Variants in CFAP20DC observed in about 807,000 individuals in gnomAD.
CFAP20DC encodes CFAP20 domain containing, also known as protein CFAP20DC.
A neutral mutation model predicts 101.7 loss-of-function variants in CFAP20DC; 84 were observed. The observed-to-expected ratio is 0.83, with a 90% CI of 0.69 to 0.99. CFAP20DC has a LOEUF of 0.99. Ranked by LOEUF, CFAP20DC falls within the 50% of genes least tolerant of loss-of-function variation. The pLI, the probability that CFAP20DC is intolerant of heterozygous loss-of-function variation, is 0.00. For synonymous variants in CFAP20DC, 359 were observed against 351.2 expected, an observed-to-expected ratio of 1.02 and a Z score of -0.25; for missense variants, 1,007 against 970.3, an observed-to-expected ratio of 1.04 and a Z score of -0.50.
chr3:58,993,686 G>C (rs530475350), intron 4 of CFAP20DC, among the ~76,000 whole-genome samples: 1 of 152,042 alleles, frequency 6.6e-6, no homozygotes, highest in South Asian at 2.1e-4. Flanking sequence ...ATGTGTATTT[G>C]GTTTTCTGTT....
intron 6 of CFAP20DC, among the ~76,000 whole-genome samples, chr3:58,885,042 C>T (rs1290857047): frequency 1.3e-5 from 2 of 152,012 alleles, no homozygotes; most frequent in Non-Finnish European, 2.9e-5. Context: ...TAGGTATGTG[C>T]CATTTAAGAT....
intron 4 of CFAP20DC, among the ~76,000 whole-genome samples, chr3:58,950,371 A>G (rs1460967047): frequency 6.6e-6 from 1 of 152,234 alleles, no homozygotes; most frequent in Non-Finnish European, 1.5e-5. Flanking sequence ...AACCCCATCA[A>G]GCTACCAATG....
intron 4 of CFAP20DC, among the ~76,000 whole-genome samples, chr3:58,965,510 T>C (rs563005335): frequency 9.2e-5 from 14 of 152,252 alleles, no homozygotes; most frequent in Admixed American, 2.6e-4. Flanking sequence ...GGGTATTAGG[T>C]ACCAATCTCA....
intron 15 of CFAP20DC, among the ~76,000 whole-genome samples, chr3:58,759,418 T>C (rs2069307978): frequency 6.6e-6 from 1 of 152,246 alleles, no homozygotes; most frequent in African/African-American, 2.4e-5. Flanking sequence ...GAGTTCATTG[T>C]AGATTCTGGA....
At position 58,870,161 on chromosome 3, in the gene CFAP20DC, C is replaced by G. The variant is rs763700532; in HGVS notation, c.852+12G>C. 45 of 1,450,264 alleles carry G rather than the reference C, an allele frequency of 3.1e-5. No individual in the cohort carries two copies. The highest frequency in any genetic ancestry group is 4.2e-5 in the Non-Finnish European group (45 of 1,075,840). The allele number at this position is 1,450,264 out of a possible 1,614,324, so 89.8% of individuals were successfully genotyped here. ...CTTGTGCTTAGATAAGCTCTCCAAACCTTGCTCCTACCTCGCTGGATATCT... is the reference window on the plus strand; with the variant it reads ...CTTGTGCTTAGATAAGCTCTCCAAAGCTTGCTCCTACCTCGCTGGATATCT... On this transcript the variant is annotated intron_variant, in intron 8 of 16. Transcript: ENST00000482387.
intron 3 of CFAP20DC, among the ~76,000 whole-genome samples, chr3:58,736,894 C>G (rs933365694): frequency 6.6e-6 from 1 of 152,118 alleles, no homozygotes; most frequent in South Asian, 2.1e-4. Flanking sequence ...GTTTATTGGT[C>G]ATTTAATTCT....
chr3:58,942,171 T>C (rs533556425), intron 4 of CFAP20DC, among the ~76,000 whole-genome samples: 2 of 152,260 alleles, frequency 1.3e-5, no homozygotes, highest in African/African-American at 4.8e-5. Flanking sequence ...TTATACTCAT[T>C]GATCTTCAAA....
At chr3:58,856,076 A>T (rs2078776117) in intron 12 of CFAP20DC, among the ~76,000 whole-genome samples, 1 of 152,070 alleles carries the variant, frequency 6.6e-6, no homozygotes, top group Admixed American at 6.6e-5. Flanking sequence ...TAAAAATATA[A>T]TACTGAAATA....
At chr3:58,967,272 T>TA (rs1293415892) in intron 4 of CFAP20DC, among the ~76,000 whole-genome samples, 1 of 152,178 alleles carries the variant, frequency 6.6e-6, no homozygotes, top group East Asian at 1.9e-4. Flanking sequence ...GGGGAAAGAA[T>TA]AGTCTTTTTA....
At chr3:58,759,575 C>T (rs1041667215) in intron 15 of CFAP20DC, among the ~76,000 whole-genome samples, 66 of 152,194 alleles carry the variant, frequency 4.3e-4, no homozygotes, top group Non-Finnish European at 8.1e-4. Flanking sequence ...TTTGTTGCCA[C>T]TGATTTTGGT....
chr3:58,921,070 T>C (rs1259951022), intron 5 of CFAP20DC, among the ~76,000 whole-genome samples: 1 of 152,116 alleles, frequency 6.6e-6, no homozygotes, highest in Non-Finnish European at 1.5e-5. Context: ...TGGCATAAAA[T>C]TGTTAATAAT....
intron 14 of CFAP20DC, among the ~76,000 whole-genome samples, chr3:58,820,180 A>T (rs2075524507): frequency 6.6e-6 from 1 of 151,864 alleles, no homozygotes; most frequent in Admixed American, 6.6e-5. Flanking sequence ...ACCCACAGCC[A>T]ATATCATACT....
chr3:58,932,014 A>G (rs986754828), intron 5 of CFAP20DC, among the ~76,000 whole-genome samples: 38 of 152,220 alleles, frequency 2.5e-4, no homozygotes, highest in African/African-American at 8.7e-4. Context: ...CAAAGAAGTT[A>G]AAAACTTGGA....
intron 3 of CFAP20DC, chr3:58,726,390 C>G (rs1344442183): frequency 1.3e-5 from 2 of 152,620 alleles, no homozygotes; most frequent in Non-Finnish European, 2.9e-5. Flanking sequence ...CAGGGGCACT[C>G]TACTTATCAT....
intron 4 of CFAP20DC, among the ~76,000 whole-genome samples, chr3:59,019,320 C>T (rs1560001215): frequency 6.6e-6 from 1 of 152,004 alleles, no homozygotes; most frequent in African/African-American, 2.4e-5. Context: ...CCTGAGCATA[C>T]AACCAGACTA....
At chr3:58,764,323 G>A (rs770363414) in intron 15 of CFAP20DC, among the ~76,000 whole-genome samples, 3 of 152,278 alleles carry the variant, frequency 2.0e-5, no homozygotes, top group South Asian at 4.2e-4. Context: ...GTTGGTGTAG[G>A]ATCCTCCGAG....
chr3:58,805,251 T>C (rs1308010939), intron 15 of CFAP20DC, among the ~76,000 whole-genome samples: 1 of 152,208 alleles, frequency 6.6e-6, no homozygotes, highest in African/African-American at 2.4e-5. Context: ...ATGTGGACTA[T>C]GGAGCAGAGA....
chr3:58,719,875 C>G (rs193081114), intron 3 of CFAP20DC, among the ~76,000 whole-genome samples: 1 of 152,372 alleles, frequency 6.6e-6, no homozygotes, highest in African/African-American at 2.4e-5. Context: ...TCTGCCCATG[C>G]AAACCACTCT....
intron 14 of CFAP20DC, among the ~76,000 whole-genome samples, chr3:58,807,132 T>TG (rs2074147272): frequency 6.6e-6 from 1 of 152,196 alleles, no homozygotes; most frequent in Non-Finnish European, 1.5e-5. Context: ...GCTCCACCTC[T>TG]GGGGGCGGGG....
Sources: allele counts gnomAD v4.1 joint callset (sites outside exome capture counted in the v4.1 genomes callset), GRCh38; gene constraint gnomAD v4.1.1; transcripts MANE v1.5; gene names NCBI Gene and HGNC (gene_info 2026-07-23, HGNC 2026-07-21).